The following ATP10B variants were observed in gnomAD, a reference collection of about 807,000 sequenced individuals.
ATP10B encodes the protein phospholipid-transporting ATPase VB.
A neutral mutation model predicts 141.2 loss-of-function variants in ATP10B; 122 were observed. The observed-to-expected ratio is 0.86, with a 90% CI of 0.75 to 1.00. ATP10B has a LOEUF of 1.00. ATP10B is among the 50% of genes least tolerant of loss of function. The pLI, the probability that ATP10B is intolerant of heterozygous loss-of-function variation, is 0.00. For missense variants in ATP10B, 1,876 were observed against 1,825.3 expected (o/e 1.03, Z -0.51); for synonymous variants, 685 against 692.0 (o/e 0.99, Z 0.16).
intron 7 of ATP10B, among the ~76,000 whole-genome samples, chr5:160,653,271 A>G (rs866595779): frequency 7.5e-6 from 1 of 133,596 alleles, no homozygotes; most frequent in Non-Finnish European, 1.5e-5. Flanking sequence ...ACATACGTAC[A>G]TACATACATA....
chr5:160,880,190 TTA>T, the ATP10B span, among the ~76,000 whole-genome samples: 9 of 141,400 alleles, frequency 6.4e-5, no homozygotes, highest in South Asian at 2.2e-4. Flanking sequence ...GTAAATATTT[TTA>T]TATATAGATT....
chr5:160,729,141 C>T (rs1766566531), intron 2 of ATP10B, among the ~76,000 whole-genome samples: 1 of 152,028 alleles, frequency 6.6e-6, no homozygotes. Context: ...CCCCTTAGGG[C>T]TTCAGATTTT....
At chr5:160,834,628 T>C (rs1175156406) in intron 1 of ATP10B, among the ~76,000 whole-genome samples, 1 of 152,134 alleles carries the variant, frequency 6.6e-6, no homozygotes, top group Non-Finnish European at 1.5e-5. Flanking sequence ...TGCTTAAAAT[T>C]TAAGGAAATA....
Position 160,773,774 on chromosome 5 carries a change from C to T in ATP10B, c.-331+11785G>A, listed in dbSNP as rs115633661. On this transcript the variant is annotated intron_variant, in intron 2 of 25. Coordinates refer to ENST00000327245, the MANE Select transcript of ATP10B (RefSeq NM_025153.3). Reference sequence around the variant, plus strand: ...CAGAAACATCCCACCTCTGTTCCACCGAGCAGTTACAAGGTATGTGGATAT... The same window carrying T: ...CAGAAACATCCCACCTCTGTTCCACTGAGCAGTTACAAGGTATGTGGATAT... Among the ~76,000 whole-genome samples, 1,257 of 152,206 alleles carry T rather than the reference C, an allele frequency of 8.3e-3. 18 individuals carry two copies. The highest frequency in any genetic ancestry group is 0.029 in the African/African-American group (1,202 of 41,510).
intron 2 of ATP10B, among the ~76,000 whole-genome samples, chr5:160,762,264 C>T (rs4461674): frequency 0.31 from 47,564 of 151,702 alleles, 7,758 homozygotes; most frequent in Non-Finnish European, 0.36. Context: ...ACGTAGTCAT[C>T]GGGTTATCTA....
At chr5:160,738,134 G>A (rs986147851) in intron 2 of ATP10B, among the ~76,000 whole-genome samples, 1 of 151,998 alleles carries the variant, frequency 6.6e-6, no homozygotes, top group Non-Finnish European at 1.5e-5. Flanking sequence ...TAGCAATAAG[G>A]TATCCATGAA....
At chr5:160,785,022 A>G (rs1162522662) in intron 2 of ATP10B, among the ~76,000 whole-genome samples, 1 of 152,118 alleles carries the variant, frequency 6.6e-6, no homozygotes, top group Non-Finnish European at 1.5e-5. Context: ...TTGCTTTGCT[A>G]AGGACTGGTT....
intron 22 of ATP10B, among the ~76,000 whole-genome samples, chr5:160,597,241 C>T (rs1329670078): frequency 1.3e-5 from 2 of 152,202 alleles, no homozygotes; most frequent in African/African-American, 4.8e-5. Context: ...AATAATGCTG[C>T]ATATCTACAA....
intron 7 of ATP10B, among the ~76,000 whole-genome samples, chr5:160,663,761 C>T (rs1488920261): frequency 2.0e-5 from 3 of 147,136 alleles, no homozygotes; most frequent in Non-Finnish European, 3.0e-5. Flanking sequence ...GCACGTTGTG[C>T]ACATGTATCC....
At chr5:160,672,904 G>A (rs1293589053) in intron 6 of ATP10B, among the ~76,000 whole-genome samples, 5 of 152,198 alleles carry the variant, frequency 3.3e-5, no homozygotes, top group Non-Finnish European at 5.9e-5. Flanking sequence ...GTCTTCCTAA[G>A]ATCCAATCTT....
upstream of ATP10B, among the ~76,000 whole-genome samples, chr5:160,853,967 T>C (rs994245731): frequency 2.6e-5 from 4 of 152,176 alleles, no homozygotes; most frequent in African/African-American, 9.7e-5. Context: ...GTATTTGCAT[T>C]TCTTATTGAC....
At chr5:160,880,244 AT>A in the ATP10B span, among the ~76,000 whole-genome samples, 1 of 145,430 alleles carries the variant, frequency 6.9e-6, no homozygotes, top group South Asian at 2.1e-4. Context: ...ATATTTTTAT[AT>A]ATTATATATA....
intron 24 of ATP10B, among the ~76,000 whole-genome samples, chr5:160,574,927 A>G (rs1755098637): frequency 2.0e-5 from 3 of 151,950 alleles, no homozygotes; most frequent in Non-Finnish European, 4.4e-5. Flanking sequence ...CCCTAGAGCT[A>G]TGAGAAATAT....
At chr5:160,921,435 G>A in the ATP10B span, among the ~76,000 whole-genome samples, 1 of 152,100 alleles carries the variant, frequency 6.6e-6, no homozygotes, top group Non-Finnish European at 1.5e-5. Flanking sequence ...ACAATGTTGT[G>A]CAACCATCAC....
At chr5:160,725,062 T>C (rs1168806818) in intron 2 of ATP10B, among the ~76,000 whole-genome samples, 1 of 152,212 alleles carries the variant, frequency 6.6e-6, no homozygotes, top group Non-Finnish European at 1.5e-5. Flanking sequence ...TAAATATCTG[T>C]TGAATTAATG....
the ATP10B span, among the ~76,000 whole-genome samples, chr5:160,917,110 C>T: frequency 6.6e-6 from 1 of 152,044 alleles, no homozygotes; most frequent in Non-Finnish European, 1.5e-5. Flanking sequence ...CTACCTTATA[C>T]CTCCAGAGAA....
intron 1 of ATP10B, among the ~76,000 whole-genome samples, chr5:160,787,552 TTC>T (rs1194677894): frequency 6.6e-6 from 1 of 152,228 alleles, no homozygotes; most frequent in Non-Finnish European, 1.5e-5. Flanking sequence ...CTTTTTAATT[TTC>T]TCTTATCCTT....
chr5:160,919,223 C>CAAAAAAAAAAAAAAAAAAAA, the ATP10B span, among the ~76,000 whole-genome samples: 10 of 26,946 alleles, frequency 3.7e-4, no homozygotes, highest in Admixed American at 9.4e-4. Flanking sequence ...AACTCCGTCT[C>CAAAAAAAAAAAAAAAAAAAA]AAAAAAAAAA....
intron 2 of ATP10B, among the ~76,000 whole-genome samples, chr5:160,728,755 T>TG (rs1766535559): frequency 6.6e-6 from 1 of 150,892 alleles, no homozygotes; most frequent in African/African-American, 2.4e-5. Context: ...TCTTATGGAC[T>TG]GGGCTCCCTC....
Sources: gnomAD v4.1 joint callset for allele counts (sites outside exome capture counted in the v4.1 genomes callset) on GRCh38, gnomAD v4.1.1 for gene constraint, MANE v1.5 for transcripts, NCBI Gene and HGNC (gene_info 2026-07-23, HGNC 2026-07-21) for gene names.